Variants in KATNIP observed in about 807,000 individuals in gnomAD.
KATNIP encodes katanin-interacting protein.
KATNIP carries 126 observed loss-of-function variants against 174.0 expected under a neutral mutation model. The ratio of observed to expected loss-of-function variants is 0.72; its 90% confidence interval spans 0.63 to 0.84. KATNIP has a LOEUF of 0.84. Ranked by LOEUF, KATNIP falls within the 40% of genes least tolerant of loss-of-function variation. KATNIP has a pLI of 0.00. For missense variants in KATNIP, 1,958 were observed against 2,109.7 expected (o/e 0.93, Z 1.41); for synonymous variants, 810 against 835.7 (o/e 0.97, Z 0.53).
At position 27,777,574 on chromosome 16, in the gene KATNIP, A is replaced by G; in HGVS notation, c.4552-36A>G. The G allele has an allele frequency of 6.4e-7, 1 of 1,569,556 alleles. No individual in the cohort carries two copies. The highest frequency in any genetic ancestry group is 8.7e-7 in the Non-Finnish European group (1 of 1,155,374). On this transcript the variant is annotated intron_variant, in intron 25 of 27. Transcript: ENST00000261588. The surrounding 1 kb of genome is among the most constrained non-coding windows in gnomAD (Gnocchi z 4.4). Reference sequence around the variant, plus strand: ...GCCCAAGGTCAACGTGGGAGGGACGAGGGGGACCCATGAGTCCTGCCCCGT... The same window carrying G: ...GCCCAAGGTCAACGTGGGAGGGACGGGGGGGACCCATGAGTCCTGCCCCGT...
At chr16:27,554,681 T>C (rs2089535381) in intron 1 of KATNIP, among the ~76,000 whole-genome samples, 1 of 152,098 alleles carries the variant, frequency 6.6e-6, no homozygotes, top group Non-Finnish European at 1.5e-5. Context: ...CATTTTCAGA[T>C]TGGCCCCCAA....
intron 9 of KATNIP, 45 bp downstream of exon 9, chr16:27,698,545 TG>T: frequency 6.5e-7 from 1 of 1,544,652 alleles, no homozygotes; most frequent in Non-Finnish European, 8.7e-7. Flanking sequence ...CTCCCTGGAC[TG>T]GGCAGTGTCT....
chr16:27,581,513 C>T (rs575818441), intron 2 of KATNIP, among the ~76,000 whole-genome samples: 1 of 152,280 alleles, frequency 6.6e-6, no homozygotes, highest in African/African-American at 2.4e-5. Context: ...CCTATAGTTC[C>T]CTAGTTCACT....
At chr16:27,748,131 G>A (rs1037674672) in intron 15 of KATNIP, among the ~76,000 whole-genome samples, 1 of 152,230 alleles carries the variant, frequency 6.6e-6, no homozygotes, top group South Asian at 2.1e-4. Flanking sequence ...AGGCCACTGC[G>A]TGGTGTGCAC....
At chr16:27,720,496 C>CTTTT (rs56263804) in intron 13 of KATNIP, among the ~76,000 whole-genome samples, 4 of 124,516 alleles carry the variant, frequency 3.2e-5, no homozygotes, top group African/African-American at 3.2e-5. Context: ...GGGTTTTGTT[C>CTTTT]TTTTTTTTTT....
At position 27,740,709 on chromosome 16, in the gene KATNIP, G is replaced by T. The variant is rs781055909; in HGVS notation, c.2412G>T (p.Arg804Ser). 11 of 1,614,204 alleles carry T rather than the reference G, an allele frequency of 6.8e-6. No individual in the cohort carries two copies. The highest frequency in any genetic ancestry group is 9.3e-6 in the Non-Finnish European group (11 of 1,180,030). Residue 804 changes from arginine to serine, a missense_variant, in exon 15 of 28, where the codon AGG becomes AGT. By Grantham distance (110) the Arg-to-Ser change is moderately radical. Transcript: ENST00000261588. ...IGEGPGETEA[R>S]DKGLRHEPGW... The stretch of plus-strand genomic sequence containing the variant: ...AGGGTCCTGGAGAGACCGAGGCCAG[G>T]GATAAAGGCCTACGGCATGAGCCAG...
At chr16:27,673,567 G>C (rs1050795313) in intron 6 of KATNIP, among the ~76,000 whole-genome samples, 3 of 152,292 alleles carry the variant, frequency 2.0e-5, no homozygotes, top group Admixed American at 2.0e-4. Flanking sequence ...CGTTTTGGCT[G>C]GATCATTCTT....
At chr16:27,692,164 A>G (rs2078757381) in intron 8 of KATNIP, among the ~76,000 whole-genome samples, 1 of 152,192 alleles carries the variant, frequency 6.6e-6, no homozygotes, top group South Asian at 2.1e-4. Flanking sequence ...GTGCTGCCCA[A>G]GCCTTCTACC....
intron 11 of KATNIP, among the ~76,000 whole-genome samples, chr16:27,703,166 T>C (rs1408864067): frequency 6.9e-6 from 1 of 145,034 alleles, no homozygotes; most frequent in Non-Finnish European, 1.5e-5. Flanking sequence ...AAACTCCATC[T>C]CAAAAAAAAA....
Position 27,708,757 on chromosome 16 carries a change from T to G in KATNIP, c.1442T>G (p.Met481Arg). The stretch of plus-strand genomic sequence containing the variant: ...ATCAAAGATGCCATCTACGTGACCA[T>G]GGAGATCCTGTCCAACTGGGGCAAC... Reference protein sequence around the residue: ...DEIKDAIYVTMEILSNWGNSW... With the variant: ...DEIKDAIYVTREILSNWGNSW... The change falls in exon 13 of 28, where the codon ATG (methionine) becomes AGG (arginine). Residue 481 changes from methionine (M) to arginine (R), a missense_variant. Transcript: ENST00000261588. The G allele has an allele frequency of 6.2e-7, 1 of 1,613,510 alleles. No homozygotes were observed. Among genetic ancestry groups the G allele is most frequent in the Non-Finnish European group, 8.5e-7 (1 of 1,179,934 alleles).
chr16:27,713,765 ATG>A (rs1486150592), intron 13 of KATNIP, among the ~76,000 whole-genome samples: 305 of 7,884 alleles, frequency 0.039, 11 homozygotes, highest in African/African-American at 0.071. Context: ...GTGTGTGTAT[ATG>A]TATATATACA....
chr16:27,678,140 G>T, intron 7 of KATNIP, 144 bp downstream of exon 7: 1 of 922,906 alleles, frequency 1.1e-6, no homozygotes, highest in Non-Finnish European at 1.6e-6. Context: ...GGTCTCTGTT[G>T]ATTGCAAGAC....
At chr16:27,775,201 T>C in intron 24 of KATNIP, 117 bp downstream of exon 24, 1 of 1,263,914 alleles carries the variant, frequency 7.9e-7, no homozygotes, top group Middle Eastern at 2.0e-4. Flanking sequence ...CAAGCCAAGA[T>C]GCTTGGGAGC....
intron 10 of KATNIP, 97 bp from the exon 11 acceptor site, chr16:27,701,492 T>A (rs1224320656): frequency 1.2e-6 from 1 of 858,774 alleles, no homozygotes. Context: ...AAAGGGACTG[T>A]CAGCCTGAGC....
At chr16:27,753,745 C>T (rs1036961113) in intron 17 of KATNIP, among the ~76,000 whole-genome samples, 1 of 148,578 alleles carries the variant, frequency 6.7e-6, no homozygotes, top group Non-Finnish European at 1.5e-5. Flanking sequence ...CTCCCTCCCT[C>T]CCTCCTTCCT....
At chr16:27,568,154 C>A (rs1366237150) in intron 1 of KATNIP, among the ~76,000 whole-genome samples, 3 of 150,852 alleles carry the variant, frequency 2.0e-5, no homozygotes, top group Non-Finnish European at 1.5e-5. Flanking sequence ...ATTTTTTTTT[C>A]CACCTAAAAT....
intron 13 of KATNIP, among the ~76,000 whole-genome samples, chr16:27,719,352 G>GT (rs2080106053): frequency 6.6e-6 from 1 of 152,224 alleles, no homozygotes; most frequent in Admixed American, 6.5e-5. Context: ...AAATCTGGCT[G>GT]TTTGGAGAAA....
At chr16:27,602,850 C>G (rs565981930) in intron 2 of KATNIP, among the ~76,000 whole-genome samples, 130 of 152,284 alleles carry the variant, frequency 8.5e-4, no homozygotes, top group African/African-American at 2.9e-3. Context: ...AGGCGCCCAC[C>G]ACCACACCCG....
chr16:27,658,678 C>T (rs1369163590), intron 6 of KATNIP, among the ~76,000 whole-genome samples: 1 of 152,024 alleles, frequency 6.6e-6, no homozygotes, highest in Non-Finnish European at 1.5e-5. Context: ...GACGATGTCC[C>T]TTAAAAAAAT....
Sources: gnomAD v4.1 joint callset for allele counts (sites outside exome capture counted in the v4.1 genomes callset) on GRCh38, gnomAD v4.1.1 for gene constraint, Gnocchi (gnomAD v3.1) non-coding constraint, MANE v1.5 for transcripts, NCBI Gene and HGNC (gene_info 2026-07-23, HGNC 2026-07-21) for gene names.